The following CHN2 variants were observed in gnomAD, a reference collection of about 807,000 sequenced individuals.
CHN2 encodes beta-chimaerin.
Under a neutral mutation model 56.3 loss-of-function variants are expected in CHN2, and 35 were observed. That is an observed-to-expected ratio of 0.62 (90% CI 0.47 to 0.82). The LOEUF (loss-of-function observed/expected upper bound fraction) is 0.82, where lower values mean the gene tolerates loss of function less well. Ranked by LOEUF, CHN2 falls within the 40% of genes least tolerant of loss-of-function variation. The pLI is 0.00. For missense variants in CHN2, 491 were observed against 580.5 expected (o/e 0.85, Z 1.58); for synonymous variants, 210 against 212.8 (o/e 0.99, Z 0.12).
At chr7:29,236,946 A>G (rs950317321) in intron 1 of CHN2, among the ~76,000 whole-genome samples, 1 of 152,116 alleles carries the variant, frequency 6.6e-6, no homozygotes, top group Non-Finnish European at 1.5e-5. Context: ...CCAACTCAAA[A>G]TCCTTCATCA....
intron 8 of CHN2, among the ~76,000 whole-genome samples, chr7:29,499,037 G>A (rs1440525076): frequency 6.6e-6 from 1 of 152,132 alleles, no homozygotes; most frequent in Non-Finnish European, 1.5e-5. Context: ...TGGGATTACA[G>A]GCGTGAGCCA....
At chr7:29,253,866 T>C (rs970996364) in intron 1 of CHN2, among the ~76,000 whole-genome samples, 9 of 152,232 alleles carry the variant, frequency 5.9e-5, no homozygotes, top group Non-Finnish European at 4.4e-5. Flanking sequence ...AAGTGTCAAT[T>C]ATACTGTTTG....
chr7:29,426,176 TCCAG>T (rs766203086), intron 6 of CHN2, among the ~76,000 whole-genome samples: 49 of 120,870 alleles, frequency 4.1e-4, no homozygotes, highest in Non-Finnish European at 5.6e-4. Context: ...GCCACTGCAC[TCCAG>T]CCTGGGTGAT....
rs1288648055 is a variant in CHN2 at position 29,507,261 on chromosome 7, A to G, written c.1025A>G (p.Tyr342Cys). The G allele has an allele frequency of 6.2e-7, 1 of 1,611,866 alleles. No homozygotes were observed. The highest frequency in any genetic ancestry group is 8.5e-7 in the Non-Finnish European group (1 of 1,179,282). The change falls in exon 11 of 13, where the codon TAT (tyrosine) becomes TGT (cysteine). Residue 342 changes from tyrosine to cysteine, a missense_variant. By Grantham distance (194) the Tyr-to-Cys change is radical. Transcript: ENST00000222792. Reference protein sequence around the residue: ...GEKADISANVYPDINIITGAL... With the variant: ...GEKADISANVCPDINIITGAL... ...AAGGCCGATATATCTGCCAATGTCTATCCAGACATAAACATCATCACTGGA... is the reference window on the plus strand; with the variant it reads ...AAGGCCGATATATCTGCCAATGTCTGTCCAGACATAAACATCATCACTGGA...
chr7:29,324,307 T>C (rs1795626822), intron 1 of CHN2, among the ~76,000 whole-genome samples: 1 of 152,150 alleles, frequency 6.6e-6, no homozygotes, highest in African/African-American at 2.4e-5. Flanking sequence ...ATGCATCTCT[T>C]CTCCACACAG....
intron 3 of CHN2, among the ~76,000 whole-genome samples, chr7:29,385,099 G>A (rs905194505): frequency 9.2e-5 from 14 of 152,002 alleles, no homozygotes; most frequent in African/African-American, 3.4e-4. Flanking sequence ...GTTCCATTTT[G>A]TATTCATCTG....
Position 29,480,269 on chromosome 7 carries a change from C to G in CHN2, c.577-10C>G. On this transcript the variant is annotated splice_polypyrimidine_tract_variant and intron_variant, in intron 6 of 12. Transcript: ENST00000222792. Reference sequence around the variant, plus strand: ...TTTGGCCCCCTCTCAAACTCTTTGCCTGTTCACAGATCTCCTCCCTGGTTC... The same window carrying G: ...TTTGGCCCCCTCTCAAACTCTTTGCGTGTTCACAGATCTCCTCCCTGGTTC... 1 of 1,614,214 alleles carries G rather than the reference C, an allele frequency of 6.2e-7. No homozygotes were observed. Among genetic ancestry groups the G allele is most frequent in the African/African-American group, 1.3e-5 (1 of 75,042 alleles).
intron 2 of CHN2, chr7:29,185,475 C>T (rs1798596085): frequency 6.6e-6 from 1 of 152,184 alleles, no homozygotes. Context: ...TGACCAGAGA[C>T]AATCCCGGCA....
At chr7:29,339,075 A>G (rs938264740) in intron 1 of CHN2, among the ~76,000 whole-genome samples, 3 of 152,200 alleles carry the variant, frequency 2.0e-5, no homozygotes, top group East Asian at 1.9e-4. Flanking sequence ...TGAACCCTCA[A>G]TTACATTCTG....
At chr7:29,175,856 G>A (rs540664827) in intron 2 of CHN2, among the ~76,000 whole-genome samples, 1 of 152,138 alleles carries the variant, frequency 6.6e-6, no homozygotes, top group African/African-American at 2.4e-5. Context: ...GACAGATTAG[G>A]CAATATTCAA....
chr7:29,480,093 A>G (rs889032654), intron 6 of CHN2, 186 bp from the exon 7 acceptor site: 2 of 1,551,452 alleles, frequency 1.3e-6, no homozygotes, highest in African/African-American at 1.4e-5. Context: ...AACTGGAAAG[A>G]GCTGGGATCC....
chr7:29,362,135 C>G (rs768644296), intron 2 of CHN2, among the ~76,000 whole-genome samples: 2 of 152,184 alleles, frequency 1.3e-5, no homozygotes, highest in Non-Finnish European at 2.9e-5. Flanking sequence ...TATTTTATAA[C>G]TCCTAGGAGT....
chr7:29,319,301 A>G (rs1795173781), intron 1 of CHN2, among the ~76,000 whole-genome samples: 1 of 152,208 alleles, frequency 6.6e-6, no homozygotes. Context: ...AAAATAACAC[A>G]GATCGCTTTA....
At chr7:29,156,438 C>A (rs1007906837) in intron 2 of CHN2, among the ~76,000 whole-genome samples, 6 of 152,102 alleles carry the variant, frequency 3.9e-5, no homozygotes, top group African/African-American at 1.4e-4. Flanking sequence ...CCGAAAACTC[C>A]ATAAAGCTCT....
intron 2 of CHN2, among the ~76,000 whole-genome samples, chr7:29,154,546 T>C (rs1366000409): frequency 6.6e-6 from 1 of 152,058 alleles, no homozygotes; most frequent in Non-Finnish European, 1.5e-5. Flanking sequence ...AGAAGTATTA[T>C]TATTAGGCTG....
At chr7:29,186,590 G>A (rs1292523870) in intron 2 of CHN2, 1 of 151,496 alleles carries the variant, frequency 6.6e-6, no homozygotes, top group African/African-American at 2.4e-5. Flanking sequence ...AAGAAAGAAA[G>A]GGAGGAAGGA....
intron 2 of CHN2, among the ~76,000 whole-genome samples, chr7:29,170,638 G>C (rs575801320): frequency 3.9e-5 from 6 of 152,312 alleles, no homozygotes; most frequent in Non-Finnish European, 8.8e-5. Context: ...GAACACTTCT[G>C]TGTGACTTTC....
chr7:29,445,473 A>G lies in CHN2; in HGVS notation c.577-34806A>G, dbSNP rs141047212. 3.6e-3 allele frequency among the ~76,000 whole-genome samples: 542 copies of G among 152,282 alleles called. 5 individuals carry two copies. Among genetic ancestry groups the G allele is most frequent in the African/African-American group, 0.012 (495 of 41,556 alleles). On this transcript the variant is annotated intron_variant, in intron 6 of 12. Coordinates refer to ENST00000222792, the MANE Select transcript of CHN2 (RefSeq NM_004067.4). ...ATTATGCAAAATCCAGCTCTGTATT[A>G]TGTCCTTAAAGCATAATAGTACTCT... is the stretch of plus-strand genomic sequence containing the variant.
At position 29,363,754 on chromosome 7, in the gene CHN2, C is replaced by T. The variant is rs574361257; in HGVS notation, c.89-4178C>T. Among the ~76,000 whole-genome samples the T allele has an allele frequency of 5.3e-5, 8 of 152,148 alleles. No individual in the cohort carries two copies. The South Asian group carries it at 1.7e-3, about 32-fold the overall frequency. Reference sequence around the variant, plus strand: ...ATACAGGCAAGTCAGGGAAGGCCTCCCTGATAAGGTGAGGTTTAAGCAGAT... The same window carrying T: ...ATACAGGCAAGTCAGGGAAGGCCTCTCTGATAAGGTGAGGTTTAAGCAGAT... On this transcript the variant is annotated intron_variant, in intron 2 of 12. Transcript: ENST00000222792.
Sources: gnomAD v4.1 joint callset for allele counts (sites outside exome capture counted in the v4.1 genomes callset) on GRCh38, gnomAD v4.1.1 for gene constraint, MANE v1.5 for transcripts, NCBI Gene and HGNC (gene_info 2026-07-23, HGNC 2026-07-21) for gene names.